The following CEP63 variants were observed in gnomAD, a reference collection of about 807,000 sequenced individuals.
CEP63 encodes the protein centrosomal protein of 63 kDa.
In CEP63, 84 loss-of-function variants were observed where a neutral mutation model predicts 89.1. The observed-to-expected ratio is 0.94, with a 90% CI of 0.79 to 1.13. The LOEUF is 1.13. Among genes scored for constraint, CEP63 ranks in the 50% most tolerant of loss-of-function variants. CEP63 has a pLI of 0.00. For synonymous variants in CEP63, 267 were observed against 272.5 expected (o/e 0.98, Z 0.20); for missense variants, 838 against 813.3 (o/e 1.03, Z -0.37).
intron 12 of CEP63, among the ~76,000 whole-genome samples, chr3:134,557,769 G>A (rs1231655313): frequency 3.3e-5 from 5 of 152,086 alleles, no homozygotes; most frequent in African/African-American, 7.2e-5. Flanking sequence ...CTAGGTCTCC[G>A]TTTTCTTTCA....
chr3:134,596,848 A>G, the CEP63 span, among the ~76,000 whole-genome samples: 4 of 152,220 alleles, frequency 2.6e-5, no homozygotes, highest in South Asian at 2.1e-4. Context: ...TGACATGAAC[A>G]TGGAAGATAG....
intron 3 of CEP63, among the ~76,000 whole-genome samples, chr3:134,525,202 G>A (rs193146705): frequency 6.6e-6 from 1 of 152,226 alleles, no homozygotes; most frequent in East Asian, 1.9e-4. Flanking sequence ...ACGTTTGTTT[G>A]TATTTCTGTG....
the CEP63 span, among the ~76,000 whole-genome samples, chr3:134,632,513 CAAAGAAGA>C: frequency 6.6e-6 from 1 of 151,778 alleles, no homozygotes. Flanking sequence ...ACACATAGAT[CAAAGAAGA>C]AGTCTCAAGG....
At chr3:134,673,202 G>A in the CEP63 span, among the ~76,000 whole-genome samples, 724 of 152,190 alleles carry the variant, frequency 4.8e-3, 1 homozygote, top group Non-Finnish European at 7.0e-3. Context: ...CAAGAACCTC[G>A]TCCCAGAACC....
At chr3:134,770,780 A>G in the CEP63 span, among the ~76,000 whole-genome samples, 1 of 152,128 alleles carries the variant, frequency 6.6e-6, no homozygotes, top group East Asian at 1.9e-4. Context: ...CAAGTGGCAA[A>G]GGAAAAATAT....
chr3:134,777,185 T>A, the CEP63 span, among the ~76,000 whole-genome samples: 2,671 of 152,372 alleles, frequency 0.018, 72 homozygotes, highest in African/African-American at 0.061. Context: ...AAAGCACTTC[T>A]GGATTTTACC....
the CEP63 span, among the ~76,000 whole-genome samples, chr3:134,773,017 A>G: frequency 4.6e-5 from 7 of 152,198 alleles, no homozygotes; most frequent in African/African-American, 9.6e-5. Context: ...ATGGGAACCC[A>G]TGACTTCTTC....
intron 6 of CEP63, among the ~76,000 whole-genome samples, chr3:134,543,237 T>C (rs1421653471): frequency 6.6e-6 from 1 of 152,226 alleles, no homozygotes; most frequent in African/African-American, 2.4e-5. Flanking sequence ...AATGAGTCTT[T>C]GAAATCTTCA....
downstream of CEP63, among the ~76,000 whole-genome samples, chr3:134,590,388 A>T (rs529101332): frequency 9.9e-5 from 15 of 152,220 alleles, 1 homozygote; most frequent in Admixed American, 3.3e-4. Context: ...TTCTATTTCT[A>T]CTCATTAGAA....
chr3:134,689,520 C>T, the CEP63 span, among the ~76,000 whole-genome samples: 3 of 152,090 alleles, frequency 2.0e-5, no homozygotes, highest in East Asian at 1.9e-4. Context: ...GGCATGAGCT[C>T]GGCTCACTGC....
chr3:134,758,407 T>G, the CEP63 span, among the ~76,000 whole-genome samples: 1 of 152,342 alleles, frequency 6.6e-6, no homozygotes, highest in East Asian at 1.9e-4. Context: ...TGTAGTCGTT[T>G]ACTGTGGCTG....
the CEP63 span, among the ~76,000 whole-genome samples, chr3:134,663,415 C>T: frequency 2.6e-5 from 4 of 152,158 alleles, no homozygotes; most frequent in Non-Finnish European, 4.4e-5. Flanking sequence ...TAGACAGATG[C>T]CTTCTCACTG....
chr3:134,587,878 C>T (rs976927611), downstream of CEP63, among the ~76,000 whole-genome samples: 4 of 151,892 alleles, frequency 2.6e-5, no homozygotes, highest in African/African-American at 7.3e-5. Context: ...ATACATCTCT[C>T]TCAGTAAACC....
the CEP63 span, among the ~76,000 whole-genome samples, chr3:134,708,551 AC>A: frequency 2.6e-5 from 4 of 152,198 alleles, no homozygotes. Context: ...TTATTCCATC[AC>A]AGCACAAACA....
At chr3:134,768,125 C>T in the CEP63 span, among the ~76,000 whole-genome samples, 1 of 152,094 alleles carries the variant, frequency 6.6e-6, no homozygotes, top group Admixed American at 6.6e-5. Flanking sequence ...GATCACAGGG[C>T]TTTTATACAC....
chr3:134,780,067 T>C, the CEP63 span, among the ~76,000 whole-genome samples: 7 of 152,356 alleles, frequency 4.6e-5, no homozygotes, highest in Middle Eastern at 3.4e-3. Flanking sequence ...TTGCTCTGTA[T>C]TCTACGAACC....
the CEP63 span, among the ~76,000 whole-genome samples, chr3:134,642,727 A>G: frequency 6.6e-6 from 1 of 152,332 alleles, no homozygotes; most frequent in Non-Finnish European, 1.5e-5. Flanking sequence ...GAGGGCTTGG[A>G]TGCCATGAGC....
At chr3:134,605,267 G>A in the CEP63 span, among the ~76,000 whole-genome samples, 3,133 of 152,256 alleles carry the variant, frequency 0.021, 49 homozygotes, top group South Asian at 0.038. Flanking sequence ...GCCACAGGGA[G>A]GGACCGTGGC....
chr3:134,605,019 CA>C, the CEP63 span, among the ~76,000 whole-genome samples: 9 of 152,190 alleles, frequency 5.9e-5, no homozygotes, highest in African/African-American at 2.2e-4. Flanking sequence ...CCACCTCCCC[CA>C]CCCCATGCTT....
Sources: gnomAD v4.1 joint callset for allele counts (sites outside exome capture counted in the v4.1 genomes callset) on GRCh38, gnomAD v4.1.1 for gene constraint, MANE v1.5 for transcripts, NCBI Gene and HGNC (gene_info 2026-07-23, HGNC 2026-07-21) for gene names.